PMPCB: variants seen among roughly 807,000 people sequenced by gnomAD.
PMPCB encodes the protein mitochondrial-processing peptidase subunit beta.
A neutral mutation model predicts 61.5 loss-of-function variants in PMPCB; 46 were observed. That is an observed-to-expected ratio of 0.75 (90% confidence interval 0.59 to 0.96). PMPCB has a LOEUF of 0.96. Among genes scored for constraint, PMPCB ranks in the 40% least tolerant of loss-of-function variants. PMPCB has a pLI of 0.00. For synonymous variants in PMPCB, 191 were observed against 201.6 expected (o/e 0.95, Z 0.44); for missense variants, 590 against 602.4 (o/e 0.98, Z 0.22).
At chr7:103,309,577 G>A (rs768612943) in intron 8 of PMPCB, among the ~76,000 whole-genome samples, 1 of 152,174 alleles carries the variant, frequency 6.6e-6, no homozygotes, top group Non-Finnish European at 1.5e-5. Flanking sequence ...AAAGTATACA[G>A]GAGAATGTGC....
At chr7:103,306,381 TC>T (rs1485998427) in intron 6 of PMPCB, among the ~76,000 whole-genome samples, 4 of 148,114 alleles carry the variant, frequency 2.7e-5, no homozygotes, top group Non-Finnish European at 4.5e-5. Context: ...GTTCCTGAGT[TC>T]TTTTTTTTTT....
Position 103,300,218 on chromosome 7 carries a change from T to C in PMPCB, c.368T>C (p.Ile123Thr). Reference protein sequence around the residue: ...KRSQLDLELEIENMGAHLNAY... With the variant: ...KRSQLDLELETENMGAHLNAY... ...TCCCAGTTAGATCTGGAACTTGAGA[T>C]TGAAAATATGGGTGCTCATCTCAAT... Residue 123 changes from isoleucine to threonine, a missense_variant, in exon 4 of 13, where the codon ATT (isoleucine) becomes ACT (threonine). By Grantham distance (89) the Ile-to-Thr change is moderately conservative (BLOSUM62 -1). Transcript: ENST00000249269. 5.0e-6 allele frequency: 8 copies of C among 1,612,922 alleles called. No individual in the cohort carries two copies. The highest frequency in any genetic ancestry group is 2.2e-5 in the East Asian group (1 of 44,844).
At chr7:103,333,008 T>G (rs952229126), downstream of PMPCB, among the ~76,000 whole-genome samples, 1 of 152,048 alleles carries the variant, frequency 6.6e-6, no homozygotes, top group African/African-American at 2.4e-5. Flanking sequence ...TTTTTTTAGA[T>G]TTTGGAATAT....
chr7:103,323,901 G>A (rs1228172277), intron 12 of PMPCB, among the ~76,000 whole-genome samples: 3 of 152,026 alleles, frequency 2.0e-5, no homozygotes, highest in South Asian at 2.1e-4. Flanking sequence ...TAGGTTTTTC[G>A]CTTGACCAAG....
rs184300996 is a variant in PMPCB at position 103,312,634 on chromosome 7, C to G, written c.*363C>G. ...GCAGCTTTCTTTGCTTTTACCATCT[C>G]GACAAGTTCCTAGGAAGGGAGAAAG... is the stretch of plus-strand genomic sequence containing the variant. On this transcript the variant is annotated 3_prime_UTR_variant, in exon 13 of 13. Coordinates refer to ENST00000249269, the MANE Select transcript of PMPCB (RefSeq NM_004279.3). The G allele has an allele frequency of 1.0e-4, 165 of 1,613,112 alleles. 1 individual carries two copies. The Admixed American group carries it at 2.7e-3, about 27-fold the overall frequency.
intron 12 of PMPCB, chr7:103,323,696 C>T (rs946427141): frequency 7.5e-7 from 1 of 1,331,142 alleles, no homozygotes; most frequent in East Asian, 2.7e-5. Context: ...ATGATCAAGA[C>T]AGAATAAATG....
At chr7:103,327,197 C>A (rs1414674014) in intron 12 of PMPCB, 2 of 373,066 alleles carry the variant, frequency 5.4e-6, no homozygotes, top group African/African-American at 4.3e-5. Context: ...ACTGTAGGGT[C>A]TGTACTAGGA....
rs1426425255 is a variant in PMPCB, at chr7:103,313,165, T to A, written c.*894T>A. ...ACATGTTCTCAGACAAGTCTTGTGG[T>A]CCACAAGTATTCGCTAAGTGCCCAT... On this transcript the variant is annotated 3_prime_UTR_variant, in exon 13 of 13. Coordinates refer to ENST00000249269, the MANE Select transcript of PMPCB (RefSeq NM_004279.3). The A allele has an allele frequency of 1.4e-5, 22 of 1,520,860 alleles. No homozygotes were observed. The highest frequency in any genetic ancestry group is 2.3e-5 in the Admixed American group (1 of 44,170). The allele number at this position is 1,520,860 out of a possible 1,614,324, so 94.2% of individuals were successfully genotyped here.
Position 103,314,061 on chromosome 7 carries a change from C to CA in PMPCB, c.*1794dup, listed in dbSNP as rs762292395. 2 of 985,344 alleles carry CA rather than the reference C, an allele frequency of 2.0e-6. No homozygotes were observed. Among genetic ancestry groups the CA allele is most frequent in the Non-Finnish European group, 2.4e-6 (2 of 829,904 alleles). The allele number at this position is 985,344 out of a possible 1,614,324, so 61.0% of individuals were successfully genotyped here. A position where few individuals can be genotyped will look rare whatever the true frequency, so the allele number is the denominator to read the frequency against. ...AAACAAAACAAAACCACCACCTATTCAAAACAAAGCAGAGAATTTGTATAA... is the reference window on the plus strand; with the variant it reads ...AAACAAAACAAAACCACCACCTATTCAAAAACAAAGCAGAGAATTTGTATAA... On this transcript the variant is annotated 3_prime_UTR_variant, in exon 13 of 13. Transcript: ENST00000249269.
downstream of PMPCB, among the ~76,000 whole-genome samples, chr7:103,331,158 T>C (rs967758367): frequency 3.3e-5 from 5 of 152,126 alleles, no homozygotes; most frequent in South Asian, 1.0e-3. Context: ...GGTTTTGCCA[T>C]GTTGGCCAGG....
chr7:103,327,440 A>G, intron 12 of PMPCB: 2 of 799,438 alleles, frequency 2.5e-6, no homozygotes, highest in South Asian at 3.0e-5. Context: ...CATTTCTAAT[A>G]AGCTGCCAGG....
At chr7:103,318,309 G>A (rs554746964), downstream of PMPCB, among the ~76,000 whole-genome samples, 2 of 152,234 alleles carry the variant, frequency 1.3e-5, no homozygotes, top group East Asian at 3.9e-4. Flanking sequence ...GGGACTACAG[G>A]TACACGACAC....
At chr7:103,321,787 G>GCCTC (rs1355856922) in intron 12 of PMPCB, 2 of 831,892 alleles carry the variant, frequency 2.4e-6, no homozygotes, top group African/African-American at 3.5e-5. Flanking sequence ...GGCGGAAATT[G>GCCTC]CGGTGAACTG....
At chr7:103,302,178 A>G (rs1313907236) in intron 4 of PMPCB, among the ~76,000 whole-genome samples, 2 of 152,046 alleles carry the variant, frequency 1.3e-5, no homozygotes, top group Admixed American at 6.6e-5. Flanking sequence ...TATGTGCCAC[A>G]TTTTCTTAAT....
intron 4 of PMPCB, 87 bp downstream of exon 4, chr7:103,300,394 A>T: frequency 9.3e-7 from 1 of 1,079,874 alleles, no homozygotes; most frequent in Non-Finnish European, 1.3e-6. Flanking sequence ...TCTGTTGTAA[A>T]AGAGTAAGTT....
chr7:103,324,482 C>A, intron 12 of PMPCB: 1 of 1,486,920 alleles, frequency 6.7e-7, no homozygotes, highest in Non-Finnish European at 9.0e-7. Context: ...ATTCACTTAC[C>A]AGAAAGAATA....
At chr7:103,322,106 T>A (rs759175105) in intron 12 of PMPCB, 2 of 1,569,892 alleles carry the variant, frequency 1.3e-6, no homozygotes, top group Non-Finnish European at 1.7e-6. Context: ...AGTAAAATCA[T>A]TTTAATAGGT....
rs1302855240 is a variant in PMPCB, at chr7:103,314,434, T to C, written c.*2163T>C. ...CATACCCACATAGCACTACTGCCAG[T>C]CACTCTTGCCTTCACAGGGTCACCT... On this transcript the variant is annotated 3_prime_UTR_variant, in exon 13 of 13. Transcript: ENST00000249269. The C allele has an allele frequency of 2.0e-6, 2 of 985,282 alleles. No individual in the cohort carries two copies. The highest frequency in any genetic ancestry group is 1.2e-4 in the Admixed American group (2 of 16,262). 61.0% of individuals were successfully genotyped at this position (985,282 alleles called of 1,614,324 possible). A position where few individuals can be genotyped will look rare whatever the true frequency, so the allele number is the denominator to read the frequency against.
downstream of PMPCB, among the ~76,000 whole-genome samples, chr7:103,318,809 T>C (rs1280914176): frequency 1.3e-5 from 2 of 152,228 alleles, no homozygotes; most frequent in African/African-American, 2.4e-5. Context: ...TATTTTTTTC[T>C]AATATGATTT....
Sources: gnomAD v4.1 joint callset for allele counts (sites outside exome capture counted in the v4.1 genomes callset) on GRCh38, gnomAD v4.1.1 for gene constraint, MANE v1.5 for transcripts, NCBI Gene and HGNC (gene_info 2026-07-23, HGNC 2026-07-21) for gene names.